Variants in SLC9A9 observed in about 807,000 individuals in gnomAD.
SLC9A9 encodes solute carrier family 9 member A9.
SLC9A9 carries 62 observed loss-of-function variants against 77.8 expected under a neutral mutation model. The observed-to-expected ratio is 0.80, with a 90% CI of 0.65 to 0.98. The LOEUF is 0.98. Among genes scored for constraint, SLC9A9 ranks in the 50% least tolerant of loss-of-function variants. The probability of loss-of-function intolerance (pLI) is 0.00; values close to 1 mark genes in which losing one functional copy is unlikely to be tolerated. For synonymous variants in SLC9A9, 320 were observed against 283.5 expected, an observed-to-expected ratio of 1.13 and a Z score of -1.29; for missense variants, 775 against 774.9, an observed-to-expected ratio of 1.00 and a Z score of 0.00.
At chr3:143,285,083 G>A (rs1352766300) in intron 14 of SLC9A9, among the ~76,000 whole-genome samples, 1 of 152,050 alleles carries the variant, frequency 6.6e-6, no homozygotes, top group Non-Finnish European at 1.5e-5. Context: ...CTGATGTTCT[G>A]GCTCAAAACT....
intron 13 of SLC9A9, among the ~76,000 whole-genome samples, chr3:143,377,150 T>C (rs1006952828): frequency 1.3e-5 from 2 of 152,230 alleles, no homozygotes; most frequent in African/African-American, 4.8e-5. Flanking sequence ...TAAATTAATC[T>C]CTTCCCTTCT....
intron 4 of SLC9A9, among the ~76,000 whole-genome samples, chr3:143,750,461 C>A (rs150954115): frequency 3.9e-5 from 6 of 152,170 alleles, no homozygotes; most frequent in Non-Finnish European, 7.4e-5. Context: ...AAAACAGGAA[C>A]CTAATTAATT....
intron 9 of SLC9A9, among the ~76,000 whole-genome samples, chr3:143,548,272 A>G (rs566243876): frequency 2.0e-4 from 31 of 152,190 alleles, no homozygotes; most frequent in Admixed American, 8.5e-4. Flanking sequence ...TGGCGCAGAT[A>G]GCAAGCTCCC....
At chr3:143,539,219 A>G (rs1264614290) in intron 9 of SLC9A9, among the ~76,000 whole-genome samples, 1 of 152,084 alleles carries the variant, frequency 6.6e-6, no homozygotes, top group Non-Finnish European at 1.5e-5. Context: ...GTATTAAGTG[A>G]CTCTCCTAAA....
chr3:143,294,691 C>T (rs2030168104), intron 14 of SLC9A9, among the ~76,000 whole-genome samples: 1 of 152,160 alleles, frequency 6.6e-6, no homozygotes, highest in Non-Finnish European at 1.5e-5. Flanking sequence ...AATAATTGCC[C>T]CTTTTAAATC....
intron 5 of SLC9A9, among the ~76,000 whole-genome samples, chr3:143,689,807 G>A (rs866157954): frequency 9.2e-5 from 14 of 152,168 alleles, no homozygotes; most frequent in Middle Eastern, 3.4e-3. Context: ...GCATATAGTG[G>A]AATGTGTGCA....
chr3:143,817,084 GACTTTGACTTTTA>G lies in SLC9A9; in HGVS notation c.378+14922_378+14934del, dbSNP rs528314219. 2.6e-4 allele frequency among the ~76,000 whole-genome samples: 40 copies of G among 151,148 alleles called. No homozygotes were observed. In the East Asian group the frequency reaches 7.0e-3, roughly 26 times the overall value. The stretch of plus-strand genomic sequence containing the variant: ...TTCTCATGATCTCCTTAAGCTTTTA[GACTTTGACTTTTA>G]ACTTTGTTGATGGTGTCTTTTTCAT... On this transcript the variant is annotated intron_variant, in intron 2 of 15. Coordinates refer to ENST00000316549, the MANE Select transcript of SLC9A9 (RefSeq NM_173653.4).
intron 2 of SLC9A9, among the ~76,000 whole-genome samples, chr3:143,819,173 A>G (rs994350313): frequency 2.0e-5 from 3 of 152,252 alleles, no homozygotes; most frequent in Admixed American, 6.5e-5. Context: ...AGGGAGAACA[A>G]TGTAGAGAAA....
intron 4 of SLC9A9, among the ~76,000 whole-genome samples, chr3:143,753,010 A>G (rs1445792363): frequency 6.6e-6 from 1 of 152,204 alleles, no homozygotes; most frequent in Non-Finnish European, 1.5e-5. Context: ...AAATCCACTC[A>G]CTTAGGTACT....
intron 6 of SLC9A9, among the ~76,000 whole-genome samples, chr3:143,610,170 A>G (rs182207353): frequency 6.6e-6 from 1 of 151,868 alleles, no homozygotes; most frequent in Non-Finnish European, 1.5e-5. Flanking sequence ...TTTATTTGAG[A>G]AAAGGTCTCT....
chr3:143,317,886 C>T (rs934877834), intron 14 of SLC9A9, among the ~76,000 whole-genome samples: 11 of 152,250 alleles, frequency 7.2e-5, no homozygotes, highest in Admixed American at 2.0e-4. Flanking sequence ...CGCCACCACG[C>T]CTGGCTAATT....
At chr3:143,432,122 C>G (rs924113140) in intron 12 of SLC9A9, among the ~76,000 whole-genome samples, 1 of 152,178 alleles carries the variant, frequency 6.6e-6, no homozygotes, top group Non-Finnish European at 1.5e-5. Context: ...AAGCTAATTT[C>G]TCACGGCTTA....
intron 12 of SLC9A9, among the ~76,000 whole-genome samples, chr3:143,450,428 C>T (rs1299098153): frequency 6.6e-6 from 1 of 151,134 alleles, no homozygotes; most frequent in Non-Finnish European, 1.5e-5. Flanking sequence ...TTTTACAGAG[C>T]CAATAAAATT....
intron 12 of SLC9A9, among the ~76,000 whole-genome samples, chr3:143,456,568 CTTT>C (rs71140437): frequency 1.4e-5 from 2 of 142,596 alleles, no homozygotes; most frequent in African/African-American, 2.6e-5. Flanking sequence ...TTCTTTCTTT[CTTT>C]TTTTTTTTTT....
At chr3:143,298,391 C>T (rs1044751625) in intron 14 of SLC9A9, among the ~76,000 whole-genome samples, 2 of 152,170 alleles carry the variant, frequency 1.3e-5, no homozygotes, top group African/African-American at 4.8e-5. Context: ...GATCATAGTC[C>T]AGAGCCTTGA....
rs1310433296 is a variant in SLC9A9, at chr3:143,652,347, G to A, written c.663C>T (p.Ala221=). Residue 221 remains alanine (A), a synonymous_variant, in exon 6 of 16, where the codon GCC becomes GCT. Coordinates refer to ENST00000316549, the MANE Select transcript of SLC9A9 (RefSeq NM_173653.4). Reference sequence around the variant, plus strand: ...GGTCGACGTGCAGTTCATGGAAAATGGCCAGCACTGTCACTAGGAAGACAC... The same window carrying A: ...GGTCGACGTGCAGTTCATGGAAAATAGCCAGCACTGTCACTAGGAAGACAC... ...MSATDPVTVL[A]IFHELHVDPD... is the part of the protein sequence containing the mutation. The A allele has an allele frequency of 2.5e-6, 4 of 1,612,336 alleles. No individual in the cohort carries two copies. In the Admixed American group the frequency reaches 5.0e-5, roughly 20 times the overall value.
At chr3:143,386,567 G>C (rs531258155) in intron 12 of SLC9A9, among the ~76,000 whole-genome samples, 1 of 152,282 alleles carries the variant, frequency 6.6e-6, no homozygotes, top group Admixed American at 6.5e-5. Flanking sequence ...CTTAGGACCT[G>C]TTATATAGTA....
intron 12 of SLC9A9, among the ~76,000 whole-genome samples, chr3:143,423,033 A>G (rs958091747): frequency 1.2e-4 from 19 of 152,136 alleles, no homozygotes; most frequent in African/African-American, 4.6e-4. Flanking sequence ...ATATAGTAGA[A>G]TGGTTAAGAA....
chr3:143,805,980 A>T (rs2008701362), intron 2 of SLC9A9, among the ~76,000 whole-genome samples: 1 of 152,108 alleles, frequency 6.6e-6, no homozygotes, highest in African/African-American at 2.4e-5. Context: ...TTGCTGGGTA[A>T]TCTGAAAATA....
Sources: allele counts gnomAD v4.1 joint callset (sites outside exome capture counted in the v4.1 genomes callset), GRCh38; gene constraint gnomAD v4.1.1; transcripts MANE v1.5; gene names NCBI Gene and HGNC (gene_info 2026-07-23, HGNC 2026-07-21).